SPATA13: variants seen among roughly 807,000 people sequenced by gnomAD.
SPATA13 encodes the protein spermatogenesis associated 13, also known as spermatogenesis-associated protein 13.
Under a neutral mutation model 104.0 loss-of-function variants are expected in SPATA13, and 50 were observed. The ratio of observed to expected loss-of-function variants is 0.48; its 90% CI spans 0.38 to 0.61. The LOEUF (loss-of-function observed/expected upper bound fraction) is 0.61, where lower values mean the gene tolerates loss of function less well. Ranked by LOEUF, SPATA13 falls within the 20% of genes least tolerant of loss-of-function variation. SPATA13 has a pLI of 0.00. For missense variants in SPATA13, 1,524 were observed against 1,690.6 expected (o/e 0.90, Z 1.73); for synonymous variants, 606 against 667.5 (o/e 0.91, Z 1.42).
chr13:24,291,740 A>ATTTTTTTTTTTTTTTTTTTTT (rs111558434), intron 9 of SPATA13, among the ~76,000 whole-genome samples: 3 of 138,810 alleles, frequency 2.2e-5, no homozygotes, highest in African/African-American at 8.0e-5. Flanking sequence ...CTCTGTCTTT[A>ATTTTTTTTTTTTTTTTTTTTT]TTTTTTTATT....
In SPATA13 at chr13:24,088,788, A is replaced by G. The variant is rs1011008382; in HGVS notation, c.-112+71087A>G. Among the ~76,000 whole-genome samples, 1 of 152,122 alleles carries G rather than the reference A, an allele frequency of 6.6e-6. No individual in the cohort carries two copies. Among genetic ancestry groups the G allele is most frequent in the South Asian group, 2.1e-4 (1 of 4,824 alleles). Reference sequence around the variant, plus strand: ...GAGCCAATCTGCCATCATTTAATCAATTAACACCAAAGGCCAGAAATGTGT... The same window carrying G: ...GAGCCAATCTGCCATCATTTAATCAGTTAACACCAAAGGCCAGAAATGTGT... On this transcript the variant is annotated intron_variant, in intron 3 of 14. Coordinates refer to the SPATA13 transcript ENST00000424834. This position sits in a 1 kb window ranked among gnomAD's most constrained non-coding sequence, Gnocchi z 4.3.
At chr13:24,212,373 TA>T (rs1871075197) in intron 1 of SPATA13, among the ~76,000 whole-genome samples, 1 of 151,998 alleles carries the variant, frequency 6.6e-6, no homozygotes, top group Non-Finnish European at 1.5e-5. Flanking sequence ...TGTTCCTTTC[TA>T]AGCTATGTTC....
intron 1 of SPATA13, among the ~76,000 whole-genome samples, chr13:24,215,597 C>T (rs1215636272): frequency 6.6e-6 from 1 of 152,176 alleles, no homozygotes; most frequent in African/African-American, 2.4e-5. Context: ...AAAATAAATG[C>T]AGCAAAAATA....
chr13:24,115,505 C>T (rs888338217), intron 3 of SPATA13, among the ~76,000 whole-genome samples: 2 of 152,272 alleles, frequency 1.3e-5, no homozygotes, highest in African/African-American at 4.8e-5. Flanking sequence ...ACGTTGCGTG[C>T]TCCTTATGAG....
intron 1 of SPATA13, among the ~76,000 whole-genome samples, chr13:23,983,545 T>G (rs1377231058): frequency 6.6e-6 from 1 of 152,224 alleles, no homozygotes; most frequent in African/African-American, 2.4e-5. Flanking sequence ...TTGACCTGTT[T>G]CAATTGCTTT....
chr13:24,258,998 A>C (rs376123663), intron 4 of SPATA13, among the ~76,000 whole-genome samples: 1 of 152,172 alleles, frequency 6.6e-6, no homozygotes. Flanking sequence ...CTTGGGGTGG[A>C]CCATCCATAT....
chr13:24,196,888 T>C (rs751937241), intron 1 of SPATA13, among the ~76,000 whole-genome samples: 4 of 148,790 alleles, frequency 2.7e-5, no homozygotes, highest in Non-Finnish European at 5.9e-5. Context: ...CACTCTAGAA[T>C]ATTGGATTGG....
intron 3 of SPATA13, among the ~76,000 whole-genome samples, chr13:24,018,089 A>G (rs572581525): frequency 5.9e-5 from 9 of 152,366 alleles, no homozygotes; most frequent in African/African-American, 1.7e-4. Flanking sequence ...ACACCCGTGG[A>G]AAACCAATCA....
rs1222561906 is a variant in SPATA13 at position 24,051,260 on chromosome 13, G to T, written c.-112+33559G>T. 1.3e-5 allele frequency among the ~76,000 whole-genome samples: 2 copies of T among 152,346 alleles called. No homozygotes were observed. Among genetic ancestry groups the T allele is most frequent in the East Asian group, 1.9e-4 (1 of 5,184 alleles). The stretch of plus-strand genomic sequence containing the variant: ...TCCAAGAGGACATGAACAGCAGGAA[G>T]TGATTTCCAATCACGTTGGACATGC... On this transcript the variant is annotated intron_variant, in intron 3 of 14. Transcript: ENST00000424834. This position sits in a 1 kb window ranked among gnomAD's most constrained non-coding sequence, Gnocchi z 4.2.
At chr13:24,262,033 C>T (rs943047199) in intron 4 of SPATA13, among the ~76,000 whole-genome samples, 34 of 152,072 alleles carry the variant, frequency 2.2e-4, no homozygotes, top group African/African-American at 6.8e-4. Flanking sequence ...AATGTGTCAG[C>T]GTTTATTCTC....
intron 2 of SPATA13, among the ~76,000 whole-genome samples, chr13:24,231,035 G>A (rs932629962): frequency 2.0e-5 from 3 of 152,078 alleles, no homozygotes; most frequent in Admixed American, 2.0e-4. Context: ...CACTACCACC[G>A]TCCAGCTAAA....
intron 3 of SPATA13, among the ~76,000 whole-genome samples, chr13:24,081,134 T>C (rs553791753): frequency 6.6e-6 from 1 of 152,308 alleles, no homozygotes; most frequent in African/African-American, 2.4e-5. Flanking sequence ...AGTGTTACTG[T>C]CAAAGACCTC....
intron 9 of SPATA13, among the ~76,000 whole-genome samples, chr13:24,291,998 C>T (rs1876421845): frequency 6.6e-6 from 1 of 151,716 alleles, no homozygotes; most frequent in Non-Finnish European, 1.5e-5. Context: ...CCTCATGATC[C>T]ACCCGCCTCG....
At chr13:24,181,774 T>TTG (rs60152605) in intron 1 of SPATA13, among the ~76,000 whole-genome samples, 1 of 151,644 alleles carries the variant, frequency 6.6e-6, no homozygotes, top group Admixed American at 6.6e-5. Flanking sequence ...TTTTTTTTTT[T>TTG]GTTAAAGTAA....
intron 2 of SPATA13, among the ~76,000 whole-genome samples, chr13:23,988,062 G>A (rs895222566): frequency 6.6e-6 from 1 of 151,748 alleles, no homozygotes; most frequent in Non-Finnish European, 1.5e-5. Context: ...TCCTGCCTCA[G>A]CCTCCTGAGT....
chr13:24,231,474 A>C (rs1277349488), intron 2 of SPATA13, among the ~76,000 whole-genome samples: 1 of 152,164 alleles, frequency 6.6e-6, no homozygotes, highest in Non-Finnish European at 1.5e-5. Context: ...GTGCATGGCT[A>C]TCTATACCGC....
chr13:24,020,025 CATT>C (rs1244137899), intron 3 of SPATA13, among the ~76,000 whole-genome samples: 1 of 152,170 alleles, frequency 6.6e-6, no homozygotes, highest in Non-Finnish European at 1.5e-5. Context: ...TTATTGCACT[CATT>C]GTGTGAGGTG....
At chr13:24,198,784 A>C (rs753664950) in intron 1 of SPATA13, among the ~76,000 whole-genome samples, 45 of 152,198 alleles carry the variant, frequency 3.0e-4, no homozygotes, top group Non-Finnish European at 5.9e-4. Context: ...AAGTTTCTGC[A>C]GGTCAGCAAA....
At chr13:24,234,306 G>A (rs1872451756) in intron 2 of SPATA13, among the ~76,000 whole-genome samples, 2 of 152,114 alleles carry the variant, frequency 1.3e-5, no homozygotes, top group South Asian at 2.1e-4. Context: ...GTGGATAGGA[G>A]GGCATAATTA....
Sources: gnomAD v4.1 joint callset for allele counts (sites outside exome capture counted in the v4.1 genomes callset) on GRCh38, gnomAD v4.1.1 for gene constraint, Gnocchi (gnomAD v3.1) non-coding constraint, MANE v1.5 for transcripts, NCBI Gene and HGNC (gene_info 2026-07-23, HGNC 2026-07-21) for gene names.